The following SPOCK1 variants were observed in gnomAD, a reference collection of about 807,000 sequenced individuals.
SPOCK1 encodes the protein testican-1.
SPOCK1 carries 23 observed loss-of-function variants against 55.3 expected under a neutral mutation model. That is an observed-to-expected ratio of 0.42 (90% CI 0.30 to 0.59). The LOEUF (loss-of-function observed/expected upper bound fraction) is 0.59. Ranked by LOEUF, SPOCK1 falls within the 20% of genes least tolerant of loss-of-function variation. The pLI, the probability that SPOCK1 is intolerant of heterozygous loss-of-function variation, is 0.22. For missense variants in SPOCK1, 499 were observed against 552.5 expected, an observed-to-expected ratio of 0.90 and a Z score of 0.97; for synonymous variants, 226 against 221.0, an observed-to-expected ratio of 1.02 and a Z score of -0.20.
intron 2 of SPOCK1, among the ~76,000 whole-genome samples, chr5:137,447,952 T>C (rs549587995): frequency 1.3e-5 from 2 of 152,114 alleles, no homozygotes; most frequent in Non-Finnish European, 2.9e-5. Context: ...GCATTGGTAT[T>C]AAAAAATAAA....
chr5:137,165,970 AG>A (rs1754641427), intron 3 of SPOCK1, among the ~76,000 whole-genome samples: 1 of 152,170 alleles, frequency 6.6e-6, no homozygotes. Flanking sequence ...AAGAGGACGT[AG>A]AGAAAGAGAT....
At chr5:137,236,129 A>G (rs989534423) in intron 3 of SPOCK1, among the ~76,000 whole-genome samples, 4 of 152,202 alleles carry the variant, frequency 2.6e-5, no homozygotes, top group African/African-American at 9.6e-5. Flanking sequence ...GAGATCCCAG[A>G]ATTTTCTGCC....
At position 136,978,453 on chromosome 5, in the gene SPOCK1, A is replaced by AC. The variant is rs397823699; in HGVS notation, c.*200dup. The AC allele has an allele frequency of 1.6e-4, 72 of 450,344 alleles. 1 individual carries two copies. The highest frequency in any genetic ancestry group is 1.9e-4 in the South Asian group (2 of 10,766). 27.9% of individuals were successfully genotyped at this position (450,344 alleles called of 1,614,324 possible). ...AAAAATAAACAACAACAAAAAAAAAACACAACACCCTTTCTCCCATACAAA... is the reference window on the plus strand; with the variant it reads ...AAAAATAAACAACAACAAAAAAAAAACCACAACACCCTTTCTCCCATACAAA... On this transcript the variant is annotated 3_prime_UTR_variant, in exon 11 of 11. Transcript: ENST00000394945.
At chr5:137,003,199 A>C (rs1349306473) in intron 6 of SPOCK1, among the ~76,000 whole-genome samples, 1 of 152,140 alleles carries the variant, frequency 6.6e-6, no homozygotes, top group Non-Finnish European at 1.5e-5. Context: ...TGAGGCCAGG[A>C]GTTCATATTA....
intron 2 of SPOCK1, among the ~76,000 whole-genome samples, chr5:137,443,093 G>A (rs1293939887): frequency 1.3e-5 from 2 of 151,994 alleles, no homozygotes; most frequent in Non-Finnish European, 2.9e-5. Context: ...AAAAGAACAT[G>A]GGCTTTGGGG....
At chr5:137,423,171 T>C (rs1273779728) in intron 2 of SPOCK1, among the ~76,000 whole-genome samples, 7 of 152,214 alleles carry the variant, frequency 4.6e-5, no homozygotes, top group African/African-American at 1.7e-4. Flanking sequence ...AGTACCCAGC[T>C]GTGTGAGGTG....
chr5:137,180,446 T>C (rs4519920), intron 3 of SPOCK1, among the ~76,000 whole-genome samples: 70,699 of 151,846 alleles, frequency 0.47, 17,120 homozygotes, highest in Non-Finnish European at 0.52. Flanking sequence ...TATTCCTCAA[T>C]GGCTCTGAGC....
intron 2 of SPOCK1, among the ~76,000 whole-genome samples, chr5:137,430,711 TC>T (rs1287130948): frequency 3.9e-5 from 6 of 152,328 alleles, no homozygotes; most frequent in African/African-American, 1.2e-4. Flanking sequence ...AGGAACTTAA[TC>T]ACTCTCATTT....
intron 2 of SPOCK1, among the ~76,000 whole-genome samples, chr5:137,477,283 TG>T (rs1289743681): frequency 6.6e-6 from 1 of 152,212 alleles, no homozygotes; most frequent in African/African-American, 2.4e-5. Context: ...ATGGCTATCT[TG>T]GGGTGACAGG....
chr5:137,435,849 T>C (rs1018191399), intron 2 of SPOCK1, among the ~76,000 whole-genome samples: 1 of 152,088 alleles, frequency 6.6e-6, no homozygotes, highest in Non-Finnish European at 1.5e-5. Flanking sequence ...GGGGAGTTTT[T>C]TTACTTATTA....
intron 2 of SPOCK1, among the ~76,000 whole-genome samples, chr5:137,437,534 C>G (rs552930829): frequency 1.2e-4 from 19 of 152,246 alleles, no homozygotes; most frequent in African/African-American, 4.6e-4. Flanking sequence ...TAAAAGAAAT[C>G]CTGTAGTTTT....
chr5:137,201,044 G>T (rs928632326), intron 3 of SPOCK1, among the ~76,000 whole-genome samples: 1 of 152,122 alleles, frequency 6.6e-6, no homozygotes, highest in East Asian at 1.9e-4. Flanking sequence ...CTTGGGGAAA[G>T]AAAATAACAA....
chr5:137,186,821 T>C (rs772414275), intron 3 of SPOCK1, among the ~76,000 whole-genome samples: 60 of 151,896 alleles, frequency 4.0e-4, no homozygotes, highest in Non-Finnish European at 5.0e-4. Context: ...CCCCTTGGCT[T>C]CCCTCCCTGT....
In SPOCK1 at chr5:137,073,363, C is replaced by T. The variant is rs550793971; in HGVS notation, c.475-5534G>A. On this transcript the variant is annotated intron_variant, in intron 5 of 10. Coordinates refer to ENST00000394945, the MANE Select transcript of SPOCK1 (RefSeq NM_004598.4). ...GGAAAGATGACATCTGAGCAGAGAACAGAATAAAGTGAGTCATGCAGCTCT... is the reference window on the plus strand; with the variant it reads ...GGAAAGATGACATCTGAGCAGAGAATAGAATAAAGTGAGTCATGCAGCTCT... Among the ~76,000 whole-genome samples the T allele has an allele frequency of 3.3e-5, 5 of 152,154 alleles. No homozygotes were observed. The East Asian group carries it at 9.7e-4, about 29-fold the overall frequency.
intron 2 of SPOCK1, among the ~76,000 whole-genome samples, chr5:137,394,507 A>G (rs1366314663): frequency 6.6e-6 from 1 of 152,176 alleles, no homozygotes; most frequent in African/African-American, 2.4e-5. Flanking sequence ...CTTTTCTCCA[A>G]TGTTGCTGCC....
chr5:137,376,708 G>GA (rs1554078363), intron 2 of SPOCK1, among the ~76,000 whole-genome samples: 54 of 151,888 alleles, frequency 3.6e-4, no homozygotes, highest in Non-Finnish European at 7.1e-4. Context: ...TCAGGCTCTT[G>GA]TTTTTTTTCT....
chr5:137,292,796 G>C lies in SPOCK1; in HGVS notation c.187-25741C>G, dbSNP rs140601811. Among the ~76,000 whole-genome samples, 8 of 152,254 alleles carry C rather than the reference G, an allele frequency of 5.3e-5. No individual in the cohort carries two copies. The East Asian group carries it at 1.5e-3, about 29-fold the overall frequency. ...CAGATAGGAAGGGAGTTGGCAATAA[G>C]AGGTAATTAAACCCATAAATCCACT... On this transcript the variant is annotated intron_variant, in intron 2 of 10. Coordinates refer to ENST00000394945, the MANE Select transcript of SPOCK1 (RefSeq NM_004598.4).
intron 2 of SPOCK1, among the ~76,000 whole-genome samples, chr5:137,395,621 T>C (rs776064135): frequency 6.6e-6 from 1 of 152,240 alleles, no homozygotes; most frequent in African/African-American, 2.4e-5. Context: ...TGCAGGCAGC[T>C]GCTACATTAT....
intron 2 of SPOCK1, among the ~76,000 whole-genome samples, chr5:137,338,771 G>A (rs1313465249): frequency 1.3e-5 from 2 of 152,150 alleles, no homozygotes; most frequent in Admixed American, 1.3e-4. Flanking sequence ...GATGGCCAGT[G>A]ATGATGAGCA....
Sources: gnomAD v4.1 joint callset for allele counts (sites outside exome capture counted in the v4.1 genomes callset) on GRCh38, gnomAD v4.1.1 for gene constraint, MANE v1.5 for transcripts, NCBI Gene and HGNC (gene_info 2026-07-23, HGNC 2026-07-21) for gene names.